TXLNB: variants seen among roughly 807,000 people sequenced by gnomAD.
TXLNB encodes the protein beta-taxilin.
In TXLNB, 37 loss-of-function variants were observed where a neutral mutation model predicts 57.4. The ratio of observed to expected loss-of-function variants is 0.64; its 90% CI spans 0.50 to 0.85. The LOEUF (loss-of-function observed/expected upper bound fraction) is 0.85, where lower values mean the gene tolerates loss of function less well. Ranked by LOEUF, TXLNB falls within the 40% of genes least tolerant of loss-of-function variation. TXLNB has a pLI of 0.00. For synonymous variants in TXLNB, 302 were observed against 309.6 expected, an observed-to-expected ratio of 0.98 and a Z score of 0.26; for missense variants, 848 against 825.6, an observed-to-expected ratio of 1.03 and a Z score of -0.33.
rs1222937210 is a variant in TXLNB, at chr6:139,285,303, CA to C, written c.424+3172del. Among the ~76,000 whole-genome samples the C allele has an allele frequency of 1.9e-3, 233 of 121,794 alleles. 20 individuals carry two copies. Among genetic ancestry groups the C allele is most frequent in the African/African-American group, 6.3e-3 (214 of 34,034 alleles). The allele number at this position is 121,794 out of a possible 152,430, so 79.9% of individuals were successfully genotyped here. A position where few individuals can be genotyped will look rare whatever the true frequency, so the allele number is the denominator to read the frequency against. ...ACACACACACACACACACACACACA[CA>C]CCCCAATTCTTATGTAAAAGTTTTA... On this transcript the variant is annotated intron_variant, in intron 2 of 9. Transcript: ENST00000358430.
In TXLNB at chr6:139,242,681, C is replaced by T; in HGVS notation, c.1900G>A (p.Ala634Thr). The part of the protein sequence containing the change: ...QKMEADVPAP[A>T]CAAEEHVAAM... The stretch of plus-strand genomic sequence containing the variant: ...GCAACGTGCTCTTCTGCTGCGCATG[C>T]TGGAGCAGGCACATCTGCCTCCATC... Residue 634 changes from alanine to threonine, a missense_variant, in exon 10 of 10, where the codon GCA (alanine) becomes ACA (threonine). Transcript: ENST00000358430. 6.2e-7 allele frequency: 1 copy of T among 1,611,112 alleles called. No homozygotes were observed. Among genetic ancestry groups the T allele is most frequent in the Non-Finnish European group, 8.5e-7 (1 of 1,178,850 alleles).
chr6:139,192,710 C>T, the TXLNB span, among the ~76,000 whole-genome samples: 2 of 151,502 alleles, frequency 1.3e-5, no homozygotes, highest in African/African-American at 2.4e-5. Flanking sequence ...TTTCGGAGGC[C>T]GAGGCAGGTG....
chr6:139,176,169 C>T, the TXLNB span, among the ~76,000 whole-genome samples: 1 of 152,202 alleles, frequency 6.6e-6, no homozygotes, highest in Admixed American at 6.5e-5. This position sits in a 1 kb window ranked among gnomAD's most constrained non-coding sequence, Gnocchi z 4.5. Context: ...TGAGGATCAG[C>T]AGGCTGCTTT....
the TXLNB span, among the ~76,000 whole-genome samples, chr6:139,310,351 T>G: frequency 6.6e-6 from 1 of 152,190 alleles, no homozygotes; most frequent in Non-Finnish European, 1.5e-5. Flanking sequence ...ACAGAAGAGT[T>G]AAAATAGCCA....
At chr6:139,281,576 T>G (rs1402349061) in intron 2 of TXLNB, among the ~76,000 whole-genome samples, 2 of 79,220 alleles carry the variant, frequency 2.5e-5, no homozygotes, top group Admixed American at 2.9e-4. Flanking sequence ...TGAGACGGAG[T>G]CTCGCTCTGT....
chr6:139,196,192 C>A, the TXLNB span, among the ~76,000 whole-genome samples: 14 of 151,968 alleles, frequency 9.2e-5, no homozygotes, highest in Non-Finnish European at 1.5e-5. Flanking sequence ...ATAAATCTTC[C>A]ATGGATACAT....
chr6:139,181,741 T>A, the TXLNB span, among the ~76,000 whole-genome samples: 1 of 152,228 alleles, frequency 6.6e-6, no homozygotes, highest in Non-Finnish European at 1.5e-5. Context: ...ACAACTGGTC[T>A]GCTTTCCTTA....
chr6:139,168,341 G>A, the TXLNB span, among the ~76,000 whole-genome samples: 7 of 151,566 alleles, frequency 4.6e-5, no homozygotes, highest in Non-Finnish European at 1.0e-4. Flanking sequence ...AAGAAGTATA[G>A]GGTTTTATCT....
At chr6:139,224,885 T>TA in the TXLNB span, among the ~76,000 whole-genome samples, 12 of 151,732 alleles carry the variant, frequency 7.9e-5, no homozygotes, top group Non-Finnish European at 1.8e-4. Flanking sequence ...AAGAACGTTG[T>TA]AAAAAAAGAA....
At chr6:139,317,400 G>GTT in the TXLNB span, among the ~76,000 whole-genome samples, 15 of 144,722 alleles carry the variant, frequency 1.0e-4, no homozygotes, top group African/African-American at 3.0e-4. Flanking sequence ...AAAGACAGAG[G>GTT]TTTTTTTTTT....
the TXLNB span, among the ~76,000 whole-genome samples, chr6:139,160,507 C>T: frequency 1.3e-5 from 2 of 152,302 alleles, no homozygotes; most frequent in South Asian, 2.1e-4. Flanking sequence ...TCAATTTCCT[C>T]GACTCACTTG....
At chr6:139,270,724 G>A in intron 3 of TXLNB, 98 bp from the exon 4 acceptor site, 1 of 1,114,600 alleles carries the variant, frequency 9.0e-7, no homozygotes, top group Non-Finnish European at 1.3e-6. Flanking sequence ...GTGGTTGTTT[G>A]GAAACATTTT....
the TXLNB span, among the ~76,000 whole-genome samples, chr6:139,196,364 GGTTTTTTT>G: frequency 8.1e-5 from 7 of 86,742 alleles, no homozygotes; most frequent in African/African-American, 2.7e-4. Context: ...CTCCAGATCT[GGTTTTTTT>G]TTTTTTTTTT....
At chr6:139,168,332 A>G in the TXLNB span, among the ~76,000 whole-genome samples, 1 of 152,110 alleles carries the variant, frequency 6.6e-6, no homozygotes, top group African/African-American at 2.4e-5. Context: ...TATTGAGCCA[A>G]GAAGTATAGG....
chr6:139,215,658 G>C, the TXLNB span, among the ~76,000 whole-genome samples: 1 of 152,134 alleles, frequency 6.6e-6, no homozygotes, highest in Non-Finnish European at 1.5e-5. Context: ...CTTCTGCACA[G>C]CAAAAGAAAC....
Position 139,288,578 on chromosome 6 carries a change from C to T in TXLNB, c.322G>A (p.Glu108Lys), listed in dbSNP as rs1777232477. Residue 108 changes from glutamate (E) to lysine (K), a missense_variant, in exon 2 of 10, where the codon GAG becomes AAG. Glu to Lys is a moderately conservative substitution (Grantham distance 56). Coordinates refer to ENST00000358430, the MANE Select transcript of TXLNB (RefSeq NM_153235.4). Reference sequence around the variant, plus strand: ...GAAGCAACGGGTTCTCTTCCAGCCTCTTCAGTTGTTTCCTCACAGTCCCCA... The same window carrying T: ...GAAGCAACGGGTTCTCTTCCAGCCTTTTCAGTTGTTTCCTCACAGTCCCCA... ...EDGDCEETTE[E>K]AGREPVASGE... 6.2e-7 allele frequency: 1 copy of T among 1,614,212 alleles called. No individual in the cohort carries two copies. The highest frequency in any genetic ancestry group is 1.3e-5 in the African/African-American group (1 of 75,056).
chr6:139,208,235 T>TA, the TXLNB span, among the ~76,000 whole-genome samples: 3 of 151,820 alleles, frequency 2.0e-5, no homozygotes, highest in Non-Finnish European at 2.9e-5. Context: ...CCCTTCTAGA[T>TA]TAAATCAGGA....
chr6:139,178,594 G>A, the TXLNB span: 2 of 75,138 alleles, frequency 2.7e-5, no homozygotes, highest in Non-Finnish European at 5.1e-5. Context: ...TTTTTTTTGA[G>A]ATGGAGTCTC....
chr6:139,224,510 G>C, the TXLNB span, among the ~76,000 whole-genome samples: 1 of 151,798 alleles, frequency 6.6e-6, no homozygotes, highest in African/African-American at 2.4e-5. Context: ...TGTGAACATT[G>C]TAATTGATAG....
Sources: allele counts gnomAD v4.1 joint callset (sites outside exome capture counted in the v4.1 genomes callset), GRCh38; gene constraint gnomAD v4.1.1; non-coding constraint Gnocchi (gnomAD v3.1); transcripts MANE v1.5; gene names NCBI Gene and HGNC (gene_info 2026-07-23, HGNC 2026-07-21).